MARCHF4: variants seen among roughly 807,000 people sequenced by gnomAD.
The protein encoded by MARCHF4 is membrane associated ring-CH-type finger 4, also known as E3 ubiquitin-protein ligase MARCHF4.
A neutral mutation model predicts 43.9 loss-of-function variants in MARCHF4; 14 were observed. The ratio of observed to expected loss-of-function variants is 0.32; its 90% CI spans 0.21 to 0.50. The LOEUF (loss-of-function observed/expected upper bound fraction) is 0.50. Among genes scored for constraint, MARCHF4 ranks in the 20% least tolerant of loss-of-function variants. MARCHF4 has a pLI of 0.98. For synonymous variants in MARCHF4, 226 were observed against 213.3 expected, an observed-to-expected ratio of 1.06 and a Z score of -0.52; for missense variants, 468 against 536.7, an observed-to-expected ratio of 0.87 and a Z score of 1.27.
At chr2:216,268,493 G>A (rs1690881346) in intron 3 of MARCHF4, among the ~76,000 whole-genome samples, 1 of 152,184 alleles carries the variant, frequency 6.6e-6, no homozygotes, top group African/African-American at 2.4e-5. Context: ...ATCTGTGTTT[G>A]GAAGTTCCTC....
chr2:216,280,407 G>T (rs533350314), intron 2 of MARCHF4, among the ~76,000 whole-genome samples: 1 of 152,268 alleles, frequency 6.6e-6, no homozygotes, highest in African/African-American at 2.4e-5. Context: ...CAGATGACCC[G>T]ATCCTGATTG....
chr2:216,289,597 A>C (rs1057335035), intron 1 of MARCHF4, among the ~76,000 whole-genome samples: 2 of 152,074 alleles, frequency 1.3e-5, no homozygotes, highest in Non-Finnish European at 2.9e-5. Flanking sequence ...AGCTTGTTTC[A>C]TTTTTCACAT....
chr2:216,322,664 AT>A (rs1691918737), intron 1 of MARCHF4, among the ~76,000 whole-genome samples: 1 of 152,222 alleles, frequency 6.6e-6, no homozygotes, highest in South Asian at 2.1e-4. Context: ...TCTACTAAAA[AT>A]ACAAAAATTA....
At chr2:216,362,364 C>A (rs1331192460) in intron 1 of MARCHF4, among the ~76,000 whole-genome samples, 1 of 152,186 alleles carries the variant, frequency 6.6e-6, no homozygotes, top group Non-Finnish European at 1.5e-5. Context: ...TGAACATGTG[C>A]AAGTAGCAGG....
At chr2:216,314,513 G>A (rs1691740966) in intron 1 of MARCHF4, among the ~76,000 whole-genome samples, 1 of 151,974 alleles carries the variant, frequency 6.6e-6, no homozygotes, top group African/African-American at 2.4e-5. Context: ...TGTAGAGATG[G>A]GTTTTCACCA....
chr2:216,360,772 G>A (rs542851477), intron 1 of MARCHF4, among the ~76,000 whole-genome samples: 31 of 152,192 alleles, frequency 2.0e-4, no homozygotes, highest in Non-Finnish European at 3.8e-4. Flanking sequence ...TGATAATGAT[G>A]TGTCAGTGTA....
At chr2:216,363,557 G>T (rs1293968240) in intron 1 of MARCHF4, among the ~76,000 whole-genome samples, 1 of 152,160 alleles carries the variant, frequency 6.6e-6, no homozygotes, top group Non-Finnish European at 1.5e-5. Flanking sequence ...GTGAAGAAAA[G>T]GTTCTTGGAG....
At chr2:216,288,079 C>T (rs932903763) in intron 1 of MARCHF4, among the ~76,000 whole-genome samples, 5 of 152,196 alleles carry the variant, frequency 3.3e-5, no homozygotes, top group African/African-American at 1.2e-4. Context: ...CCTCCCACCT[C>T]AGCCTCTTGA....
At position 216,259,367 on chromosome 2, in the gene MARCHF4, T is replaced by G; in HGVS notation, c.1178A>C (p.Gln393Pro). The G allele has an allele frequency of 6.3e-7, 1 of 1,595,540 alleles. No homozygotes were observed. The highest frequency in any genetic ancestry group is 1.3e-5 in the African/African-American group (1 of 74,584). The change falls in exon 4 of 4, where the codon CAG (glutamine) becomes CCG (proline). Residue 393 changes from glutamine (Q) to proline (P), a missense_variant. Coordinates refer to ENST00000273067, the MANE Select transcript of MARCHF4 (RefSeq NM_020814.3). Reference protein sequence around the residue: ...HILSHLRPHEQRSPPGSSREL... With the variant: ...HILSHLRPHEPRSPPGSSREL... ...TCGGCTGCTGCCTGGGGGACTTCGC[T>G]GTTCATGAGGTCTCAAGTGACTCAG... is the stretch of plus-strand genomic sequence containing the variant.
At chr2:216,322,210 A>G (rs1691908000) in intron 1 of MARCHF4, among the ~76,000 whole-genome samples, 1 of 152,238 alleles carries the variant, frequency 6.6e-6, no homozygotes, top group African/African-American at 2.4e-5. Flanking sequence ...AAATGTGTTT[A>G]GCAGGACCAA....
chr2:216,352,160 G>C (rs1045688914), intron 1 of MARCHF4, among the ~76,000 whole-genome samples: 3 of 152,320 alleles, frequency 2.0e-5, no homozygotes, highest in Non-Finnish European at 4.4e-5. Flanking sequence ...GGGGTTTGGG[G>C]CTTCTGTACT....
intron 3 of MARCHF4, among the ~76,000 whole-genome samples, chr2:216,263,697 A>G (rs1020347085): frequency 2.0e-5 from 3 of 152,166 alleles, no homozygotes; most frequent in African/African-American, 2.4e-5. Flanking sequence ...TCCAGACCCC[A>G]CAAGACACAG....
intron 1 of MARCHF4, among the ~76,000 whole-genome samples, chr2:216,340,234 C>A (rs1692216320): frequency 6.6e-6 from 1 of 152,204 alleles, no homozygotes. Context: ...AGTCTTAGCT[C>A]TCCTGGCCAG....
At chr2:216,353,561 T>C (rs1692434292) in intron 1 of MARCHF4, among the ~76,000 whole-genome samples, 1 of 152,200 alleles carries the variant, frequency 6.6e-6, no homozygotes, top group Non-Finnish European at 1.5e-5. Context: ...TTCTTCTTTT[T>C]TTCTGCGATG....
At chr2:216,331,664 A>T (rs1692082801) in intron 1 of MARCHF4, among the ~76,000 whole-genome samples, 1 of 152,218 alleles carries the variant, frequency 6.6e-6, no homozygotes, top group African/African-American at 2.4e-5. Context: ...AAAACACAAG[A>T]ATTATCTAAC....
rs1692726560 is a variant in MARCHF4 at position 216,369,872 on chromosome 2, A to C, written c.389T>G (p.Leu130Arg). 6.2e-7 allele frequency: 1 copy of C among 1,613,934 alleles called. No homozygotes were observed. Among genetic ancestry groups the C allele is most frequent in the African/African-American group, 1.3e-5 (1 of 74,938 alleles). The stretch of plus-strand genomic sequence containing the variant: ...GTCATCTGAGGAGGCACTGCTGAGC[A>C]GCGAGGCAGGTGGCTCTGTGGCTGG... ...GGPATEPPAS[L>R]LSSASSDDFC... The change falls in exon 1 of 4, where the codon CTG becomes CGG. Residue 130 changes from leucine (L) to arginine (R), a missense_variant. This residue lies in a region of MARCHF4 where 158 missense variants were observed against 251.1 expected (regional missense o/e 0.63). Coordinates refer to ENST00000273067, the MANE Select transcript of MARCHF4 (RefSeq NM_020814.3).
chr2:216,285,746 G>A lies in MARCHF4; in HGVS notation c.517-2017C>T, dbSNP rs1468277830. On this transcript the variant is annotated intron_variant, in intron 1 of 3. Transcript: ENST00000273067. ...CTCTGAAAAGGAAACAGGAGGGGATGAGTGGAGAGACATGCTGGGGGAGGG... is the reference window on the plus strand; with the variant it reads ...CTCTGAAAAGGAAACAGGAGGGGATAAGTGGAGAGACATGCTGGGGGAGGG... 2.6e-5 allele frequency among the ~76,000 whole-genome samples: 4 copies of A among 152,202 alleles called. No individual in the cohort carries two copies. In the South Asian group the frequency reaches 6.2e-4, roughly 24 times the overall value.
chr2:216,330,626 A>C (rs899992978), intron 1 of MARCHF4, among the ~76,000 whole-genome samples: 3 of 152,228 alleles, frequency 2.0e-5, no homozygotes, highest in Non-Finnish European at 2.9e-5. Flanking sequence ...TTGTGGCAAA[A>C]ACCAAGTTCT....
rs201503998 is a variant in MARCHF4 at position 216,302,897 on chromosome 2, CAA to C, written c.517-19170_517-19169del. On this transcript the variant is annotated intron_variant, in intron 1 of 3. Transcript: ENST00000273067. Reference sequence around the variant, plus strand: ...TGGGTGACAAGGTGAGACTCTGTATCAAAAAAAAAAAAAAAAAAAAAAAAAAG... The same window carrying C: ...TGGGTGACAAGGTGAGACTCTGTATCAAAAAAAAAAAAAAAAAAAAAAAAG... Among the ~76,000 whole-genome samples the C allele has an allele frequency of 1.8e-3, 139 of 78,352 alleles. 1 individual carries two copies. Among genetic ancestry groups the C allele is most frequent in the African/African-American group, 9.6e-3 (118 of 12,354 alleles). 51.4% of individuals were successfully genotyped at this position (78,352 alleles called of 152,430 possible). A position where few individuals can be genotyped will look rare whatever the true frequency, so the allele number is the denominator to read the frequency against.
Sources: gnomAD v4.1 joint callset for allele counts (sites outside exome capture counted in the v4.1 genomes callset) on GRCh38, gnomAD v4.1.1 for gene constraint, gnomAD v4.1.1 regional missense constraint, MANE v1.5 for transcripts, NCBI Gene and HGNC (gene_info 2026-07-23, HGNC 2026-07-21) for gene names.